KLHL3: variants seen among roughly 807,000 people sequenced by gnomAD.
KLHL3 encodes kelch-like protein 3.
Under a neutral mutation model 70.5 loss-of-function variants are expected in KLHL3, and 19 were observed. The observed-to-expected ratio is 0.27, with a 90% CI of 0.19 to 0.40. KLHL3 has a LOEUF of 0.40. Among genes scored for constraint, KLHL3 ranks in the 10% least tolerant of loss-of-function variants. The probability of loss-of-function intolerance (pLI) is 1.00; values close to 1 mark genes in which losing one functional copy is unlikely to be tolerated. For synonymous variants in KLHL3, 258 were observed against 290.3 expected, an observed-to-expected ratio of 0.89 and a Z score of 1.13; for missense variants, 512 against 771.1, an observed-to-expected ratio of 0.66 and a Z score of 3.98.
At position 137,735,129 on chromosome 5, in the gene KLHL3, G is replaced by A. The variant is rs530674582; in HGVS notation, c.14+504C>T. 2.6e-5 allele frequency among the ~76,000 whole-genome samples: 4 copies of A among 152,170 alleles called. No individual in the cohort carries two copies. In the East Asian group the frequency reaches 5.8e-4, roughly 22 times the overall value. On this transcript the variant is annotated intron_variant, in intron 1 of 14. Transcript: ENST00000309755. ...AATGTGTGTGTATACAGGCATACAC[G>A]GCGTGCACGCGCGCACACACACAGC...
intron 2 of KLHL3, among the ~76,000 whole-genome samples, chr5:137,713,474 C>T (rs1464887471): frequency 1.3e-5 from 2 of 152,066 alleles, no homozygotes; most frequent in African/African-American, 2.4e-5. Context: ...AACTGGATAT[C>T]CATATGCAAA....
At chr5:137,702,747 A>G (rs1752596379) in intron 3 of KLHL3, among the ~76,000 whole-genome samples, 1 of 152,202 alleles carries the variant, frequency 6.6e-6, no homozygotes. Flanking sequence ...GTAAAAGATG[A>G]TGTTGGCCTG....
chr5:137,644,891 G>A (rs1751005775), intron 8 of KLHL3, among the ~76,000 whole-genome samples: 1 of 152,144 alleles, frequency 6.6e-6, no homozygotes, highest in Non-Finnish European at 1.5e-5. Context: ...TATCCATGAT[G>A]AACACAGATA....
At chr5:137,644,945 C>T (rs1466604373) in intron 8 of KLHL3, among the ~76,000 whole-genome samples, 1 of 152,112 alleles carries the variant, frequency 6.6e-6, no homozygotes, top group Non-Finnish European at 1.5e-5. Flanking sequence ...TTCAACAGCA[C>T]ATTGAAAAGA....
At chr5:137,652,749 G>A (rs552020119) in intron 8 of KLHL3, among the ~76,000 whole-genome samples, 6 of 152,250 alleles carry the variant, frequency 3.9e-5, no homozygotes, top group East Asian at 1.9e-4. Flanking sequence ...ATAGTACAAC[G>A]TGGTGACTAT....
rs1288275382 is a variant in KLHL3 at position 137,639,044 on chromosome 5, G to A, written c.1128C>T (p.Ser376=). Residue 376 remains serine (S), a synonymous_variant, in exon 10 of 15, where the codon TCC becomes TCT. Coordinates refer to ENST00000309755, the MANE Select transcript of KLHL3 (RefSeq NM_017415.3). This position sits in a 1 kb window ranked among gnomAD's most constrained non-coding sequence, Gnocchi z 5.0. ...VYDGVKDQWT[S]IASMQERRST... ...TCCGGCGCTCCTGCATGCTGGCAAT[G>A]GACGTCCACTGGTCCTTCACGCCGT... 1 of 1,614,154 alleles carries A rather than the reference G, an allele frequency of 6.2e-7. No individual in the cohort carries two copies. Among genetic ancestry groups the A allele is most frequent in the South Asian group, 1.1e-5 (1 of 91,068 alleles).
chr5:137,631,299 GA>G (rs1394123680), intron 12 of KLHL3, among the ~76,000 whole-genome samples: 78 of 152,306 alleles, frequency 5.1e-4, no homozygotes, highest in African/African-American at 1.7e-3. Flanking sequence ...CAAAGCAGGG[GA>G]GAAGGGGCTG....
intron 1 of KLHL3, among the ~76,000 whole-genome samples, chr5:137,723,614 T>C (rs1477095086): frequency 1.3e-5 from 2 of 151,572 alleles, no homozygotes; most frequent in Non-Finnish European, 3.0e-5. Flanking sequence ...CTATTATTCC[T>C]AACTATTTGA....
At chr5:137,683,804 GCACA>G (rs754512601) in intron 5 of KLHL3, among the ~76,000 whole-genome samples, 5 of 147,136 alleles carry the variant, frequency 3.4e-5, no homozygotes, top group South Asian at 2.2e-4. Flanking sequence ...ACATGCACGC[GCACA>G]CACACACACA....
rs372170702 is a variant in KLHL3 at position 137,683,164 on chromosome 5, C to T, written c.527-5510G>A. ...ACATTGGGAAGATATGTTTGTGTTG[C>T]TTGGTGGGAAAAGACTGAAAGTTAT... is the stretch of plus-strand genomic sequence containing the variant. On this transcript the variant is annotated intron_variant, in intron 5 of 14. Coordinates refer to ENST00000309755, the MANE Select transcript of KLHL3 (RefSeq NM_017415.3). Among the ~76,000 whole-genome samples the T allele has an allele frequency of 2.6e-4, 39 of 152,224 alleles. No homozygotes were observed. The South Asian group carries it at 5.8e-3, about 23-fold the overall frequency.
At chr5:137,645,999 C>T (rs183881688) in intron 8 of KLHL3, among the ~76,000 whole-genome samples, 3 of 152,210 alleles carry the variant, frequency 2.0e-5, no homozygotes, top group Admixed American at 2.0e-4. Flanking sequence ...CATTTACAGC[C>T]AACTGATTTT....
At chr5:137,730,836 A>G (rs1443387619) in intron 1 of KLHL3, among the ~76,000 whole-genome samples, 1 of 152,216 alleles carries the variant, frequency 6.6e-6, no homozygotes, top group Non-Finnish European at 1.5e-5. Context: ...AGTGAAAATG[A>G]AAAGTCCAGG....
At chr5:137,722,830 C>A (rs896875869) in intron 1 of KLHL3, among the ~76,000 whole-genome samples, 7 of 152,066 alleles carry the variant, frequency 4.6e-5, no homozygotes, top group African/African-American at 1.7e-4. Context: ...CCACAACCGG[C>A]TAATTTTTGT....
chr5:137,725,707 C>T (rs1384852499), intron 1 of KLHL3, among the ~76,000 whole-genome samples: 2 of 152,218 alleles, frequency 1.3e-5, no homozygotes, highest in Non-Finnish European at 2.9e-5. Context: ...ATCTAGTCAA[C>T]TTTGTCAAAG....
intron 11 of KLHL3, among the ~76,000 whole-genome samples, chr5:137,635,587 G>C (rs1750747010): frequency 6.6e-6 from 1 of 152,152 alleles, no homozygotes; most frequent in South Asian, 2.1e-4. Context: ...GAGATGATGA[G>C]AGGGAGGAGA....
chr5:137,672,151 C>T (rs1751775998), intron 6 of KLHL3, among the ~76,000 whole-genome samples: 1 of 152,242 alleles, frequency 6.6e-6, no homozygotes, highest in Non-Finnish European at 1.5e-5. Context: ...AAGCTGGCAA[C>T]TCTGATAACC....
chr5:137,727,266 G>A (rs532345620), intron 1 of KLHL3, among the ~76,000 whole-genome samples: 3 of 151,830 alleles, frequency 2.0e-5, no homozygotes, highest in South Asian at 4.2e-4. Flanking sequence ...GCCATAAATC[G>A]AATCAATCCT....
At chr5:137,710,306 C>T (rs2149929661) in intron 2 of KLHL3, among the ~76,000 whole-genome samples, 1 of 152,302 alleles carries the variant, frequency 6.6e-6, no homozygotes, top group Middle Eastern at 3.4e-3. Context: ...AAGGGACCCA[C>T]TGTATATGCA....
chr5:137,668,507 G>A lies in KLHL3; in HGVS notation c.637-6476C>T, dbSNP rs1751670360. On this transcript the variant is annotated intron_variant, in intron 6 of 14. Coordinates refer to ENST00000309755, the MANE Select transcript of KLHL3 (RefSeq NM_017415.3). ...AATTACAATCCTCCACGCCCTCCTG[G>A]GACACCTCCCCTAGGTCTCCTATTC... is the stretch of plus-strand genomic sequence containing the variant. Among the ~76,000 whole-genome samples the A allele has an allele frequency of 2.0e-5, 3 of 152,082 alleles. No homozygotes were observed. The South Asian group carries it at 6.2e-4, about 32-fold the overall frequency.
Sources: allele counts gnomAD v4.1 joint callset (sites outside exome capture counted in the v4.1 genomes callset), GRCh38; gene constraint gnomAD v4.1.1; non-coding constraint Gnocchi (gnomAD v3.1); transcripts MANE v1.5; gene names NCBI Gene and HGNC (gene_info 2026-07-23, HGNC 2026-07-21).